SLC4A8: variants seen among roughly 807,000 people sequenced by gnomAD.
SLC4A8 encodes electroneutral sodium bicarbonate exchanger 1.
Under a neutral mutation model 125.0 loss-of-function variants are expected in SLC4A8, and 40 were observed. The ratio of observed to expected loss-of-function variants is 0.32; its 90% CI spans 0.25 to 0.42. The LOEUF is 0.42. Ranked by LOEUF, SLC4A8 falls within the 10% of genes least tolerant of loss-of-function variation. The pLI, the probability that SLC4A8 is intolerant of heterozygous loss-of-function variation, is 1.00. For synonymous variants in SLC4A8, 456 were observed against 476.0 expected, an observed-to-expected ratio of 0.96 and a Z score of 0.55; for missense variants, 863 against 1,355.1, an observed-to-expected ratio of 0.64 and a Z score of 5.70.
At chr12:51,473,186 AT>A (rs1377247153) in intron 14 of SLC4A8, among the ~76,000 whole-genome samples, 2 of 152,184 alleles carry the variant, frequency 1.3e-5, no homozygotes, top group Admixed American at 1.3e-4. Context: ...TTCCTTAAAA[AT>A]CTCCTGTGCT....
chr12:51,470,882 T>TTG (rs1565802238), intron 13 of SLC4A8, among the ~76,000 whole-genome samples: 1 of 151,912 alleles, frequency 6.6e-6, no homozygotes, highest in Admixed American at 6.6e-5. Context: ...TTGTTTTGTT[T>TTG]TTTTGCTATT....
chr12:51,419,260 A>G (rs1219658090), intron 1 of SLC4A8, among the ~76,000 whole-genome samples: 3 of 152,224 alleles, frequency 2.0e-5, no homozygotes, highest in Admixed American at 6.5e-5. Context: ...AAGATAAATG[A>G]GATAGCAGTG....
intron 1 of SLC4A8, among the ~76,000 whole-genome samples, chr12:51,415,893 A>C (rs1043984278): frequency 3.3e-5 from 5 of 150,240 alleles, no homozygotes; most frequent in African/African-American, 1.2e-4. Flanking sequence ...AAAATATGCA[A>C]ATGTACCCCC....
chr12:51,452,585 A>C (rs1950002949), intron 4 of SLC4A8, among the ~76,000 whole-genome samples: 2 of 152,200 alleles, frequency 1.3e-5, no homozygotes, highest in Admixed American at 1.3e-4. Context: ...AGATGTAGAC[A>C]GGGCCACCTT....
In SLC4A8 at chr12:51,507,810, G is replaced by A. The variant is rs138045794; in HGVS notation, c.*372G>A. 5.8e-4 allele frequency: 99 copies of A among 170,252 alleles called. No individual in the cohort carries two copies. The highest frequency in any genetic ancestry group is 2.3e-3 in the African/African-American group (98 of 42,400). The allele number at this position is 170,252 out of a possible 1,614,324, so 10.5% of individuals were successfully genotyped here. ...CCATATGGATTCATTCTGCCACTGA[G>A]GAGTCCTTCAGTGAGGTCCCTCTTC... On this transcript the variant is annotated 3_prime_UTR_variant, in exon 25 of 25. Coordinates refer to ENST00000453097, the MANE Select transcript of SLC4A8 (RefSeq NM_001039960.3).
intron 16 of SLC4A8, chr12:51,480,634 C>A (rs1355528380): frequency 1.0e-6 from 1 of 985,084 alleles, no homozygotes; most frequent in Non-Finnish European, 1.2e-6. Context: ...GTATTTTGTT[C>A]ATTGATCTAA....
intron 2 of SLC4A8, among the ~76,000 whole-genome samples, chr12:51,442,786 T>A (rs1949643312): frequency 6.6e-6 from 1 of 152,140 alleles, no homozygotes; most frequent in Non-Finnish European, 1.5e-5. Flanking sequence ...AGAGTTGGGA[T>A]TTGCTATAGG....
At chr12:51,396,067 A>G (rs748159986) in intron 1 of SLC4A8, among the ~76,000 whole-genome samples, 2 of 152,242 alleles carry the variant, frequency 1.3e-5, no homozygotes, top group Non-Finnish European at 1.5e-5. Context: ...TGTGTGCCTC[A>G]ATTTCCTCAT....
chr12:51,515,732 A>G lies in SLC4A8; in HGVS notation c.*8294A>G, dbSNP rs986799284. 3.9e-5 allele frequency: 6 copies of G among 152,142 alleles called. No homozygotes were observed. The highest frequency in any genetic ancestry group is 1.4e-4 in the African/African-American group (6 of 41,428). 9.4% of individuals were successfully genotyped at this position (152,142 alleles called of 1,614,324 possible). On this transcript the variant is annotated 3_prime_UTR_variant, in exon 25 of 25. Coordinates refer to ENST00000453097, the MANE Select transcript of SLC4A8 (RefSeq NM_001039960.3). Reference sequence around the variant, plus strand: ...CCCAGATTTTTGTGTGCTCACCTCAATGGGTGAAAAATAAAGTCTGTGTAA... The same window carrying G: ...CCCAGATTTTTGTGTGCTCACCTCAGTGGGTGAAAAATAAAGTCTGTGTAA...
chr12:51,447,044 G>C (rs371538120), intron 2 of SLC4A8, among the ~76,000 whole-genome samples: 1 of 112,154 alleles, frequency 8.9e-6, no homozygotes, highest in African/African-American at 3.0e-5. Flanking sequence ...CTGCCTGTCT[G>C]TCTGTCTGTC....
rs966050473 is a variant in SLC4A8, at chr12:51,424,888, G to A, written c.-100G>A. ...GATGGTTGACCGTTGGCTCCGGGGT[G>A]GGGGTCGCCGTTCGAGTGATCTGCT... On this transcript the variant is annotated 5_prime_UTR_variant, in exon 1 of 25. Coordinates refer to ENST00000453097, the MANE Select transcript of SLC4A8 (RefSeq NM_001039960.3). The A allele has an allele frequency of 3.1e-6, 4 of 1,283,538 alleles. No homozygotes were observed. The highest frequency in any genetic ancestry group is 1.5e-5 in the African/African-American group (1 of 65,810). 79.5% of individuals were successfully genotyped at this position (1,283,538 alleles called of 1,614,324 possible). A position where few individuals can be genotyped will look rare whatever the true frequency, so the allele number is the denominator to read the frequency against.
chr12:51,401,074 C>A (rs1948381999), intron 1 of SLC4A8, among the ~76,000 whole-genome samples: 1 of 151,386 alleles, frequency 6.6e-6, no homozygotes, highest in Non-Finnish European at 1.5e-5. Context: ...GGGTTCAGAT[C>A]CCACGGCAGC....
chr12:51,445,297 T>A (rs1949738706), intron 2 of SLC4A8, among the ~76,000 whole-genome samples: 1 of 152,074 alleles, frequency 6.6e-6, no homozygotes, highest in South Asian at 2.1e-4. Context: ...AGCCTCCCAA[T>A]AGCTGGGACT....
intron 14 of SLC4A8, 91 bp from the exon 15 acceptor site, chr12:51,474,251 C>A: frequency 1.3e-6 from 1 of 774,686 alleles, no homozygotes; most frequent in Non-Finnish European, 2.1e-6. Context: ...AGCAAGGCAG[C>A]TCCTGACAGC....
chr12:51,424,687 G>A, upstream of SLC4A8: 1 of 430,040 alleles, frequency 2.3e-6, no homozygotes, highest in Non-Finnish European at 4.1e-6. Context: ...CGGTTTCCAA[G>A]GCAACCGGGC....
At chr12:51,432,178 G>A (rs943547859) in intron 1 of SLC4A8, among the ~76,000 whole-genome samples, 10 of 152,252 alleles carry the variant, frequency 6.6e-5, no homozygotes, top group Admixed American at 2.0e-4. Flanking sequence ...GGAGGCCGAG[G>A]TGGGAGGATC....
In SLC4A8 at chr12:51,467,070, C is replaced by T. The variant is rs144797255; in HGVS notation, c.1350-2544C>T. 3.8e-4 allele frequency among the ~76,000 whole-genome samples: 58 copies of T among 152,108 alleles called. No homozygotes were observed. In the East Asian group the frequency reaches 0.011, roughly 28 times the overall value. ...TGACTGGTAATGAAGAGGTAATAAT[C>T]GCATGGTAATAAGATGCTATGTTAG... On this transcript the variant is annotated intron_variant, in intron 11 of 24. Transcript: ENST00000453097.
chr12:51,433,207 A>G lies in SLC4A8; in HGVS notation c.49-7501A>G, dbSNP rs1949255545. ...TCATTCATTTTTCAAGGCTCATGAC[A>G]ATGCTTTCTTTCTCAAGCCTTGCCT... On this transcript the variant is annotated intron_variant, in intron 1 of 24. Coordinates refer to ENST00000453097, the MANE Select transcript of SLC4A8 (RefSeq NM_001039960.3). Among the ~76,000 whole-genome samples the G allele has an allele frequency of 2.0e-5, 3 of 152,178 alleles. No individual in the cohort carries two copies. The South Asian group carries it at 6.2e-4, about 32-fold the overall frequency.
At chr12:51,452,003 C>A (rs1461658456) in intron 3 of SLC4A8, 121 bp from the exon 4 acceptor site, 66 of 889,612 alleles carry the variant, frequency 7.4e-5, no homozygotes, top group East Asian at 2.1e-4. Flanking sequence ...ATAAAGAAAT[C>A]TTTTTCTTCT....
Sources: allele counts gnomAD v4.1 joint callset (sites outside exome capture counted in the v4.1 genomes callset), GRCh38; gene constraint gnomAD v4.1.1; transcripts MANE v1.5; gene names NCBI Gene and HGNC (gene_info 2026-07-23, HGNC 2026-07-21).